Variants in DPP10 observed in about 807,000 individuals in gnomAD.
The protein encoded by DPP10 is inactive dipeptidyl peptidase 10.
A neutral mutation model predicts 120.9 loss-of-function variants in DPP10; 33 were observed. The ratio of observed to expected loss-of-function variants is 0.27; its 90% CI spans 0.21 to 0.37. The LOEUF (loss-of-function observed/expected upper bound fraction) is 0.37. Ranked by LOEUF, DPP10 falls within the 10% of genes least tolerant of loss-of-function variation. DPP10 has a pLI of 1.00. For synonymous variants in DPP10, 337 were observed against 326.1 expected, an observed-to-expected ratio of 1.03 and a Z score of -0.36; for missense variants, 816 against 942.8, an observed-to-expected ratio of 0.87 and a Z score of 1.76.
chr2:114,506,989 G>C (rs1210965930), intron 1 of DPP10, among the ~76,000 whole-genome samples: 1 of 151,472 alleles, frequency 6.6e-6, no homozygotes, highest in African/African-American at 2.4e-5. Flanking sequence ...TCCTGCAATG[G>C]TTTCTGAGTT....
At chr2:115,130,214 C>A (rs1250149502) in intron 1 of DPP10, among the ~76,000 whole-genome samples, 1 of 152,136 alleles carries the variant, frequency 6.6e-6, no homozygotes, top group African/African-American at 2.4e-5. Flanking sequence ...CCATTGTTTG[C>A]ATTTTTGTTC....
At chr2:115,639,627 GT>G (rs60317856) in intron 5 of DPP10, among the ~76,000 whole-genome samples, 63,317 of 149,828 alleles carry the variant, frequency 0.42, 15,091 homozygotes, top group Non-Finnish European at 0.55. Flanking sequence ...TGCATTACAG[GT>G]TTTTTTTTTT....
intron 1 of DPP10, among the ~76,000 whole-genome samples, chr2:115,215,612 A>G (rs1262544502): frequency 3.9e-5 from 6 of 152,212 alleles, no homozygotes; most frequent in Non-Finnish European, 8.8e-5. Flanking sequence ...GAAAAATTAC[A>G]GAAGTGGGCA....
chr2:115,048,570 G>C (rs1042021673), intron 1 of DPP10, among the ~76,000 whole-genome samples: 2 of 151,946 alleles, frequency 1.3e-5, no homozygotes, highest in Non-Finnish European at 2.9e-5. Flanking sequence ...AGCTAAGCAG[G>C]GTAGCATAAA....
chr2:115,385,024 CCACCATGTAAGAAGTGCCTTT>C (rs1296090972), intron 3 of DPP10, among the ~76,000 whole-genome samples: 2 of 152,170 alleles, frequency 1.3e-5, no homozygotes, highest in African/African-American at 4.8e-5. Flanking sequence ...TATCTTGCTG[CCACCATGTAAGAAGTGCCTTT>C]CACCTCCTGC....
chr2:115,394,469 CAA>C (rs34655384), intron 3 of DPP10, among the ~76,000 whole-genome samples: 29 of 91,086 alleles, frequency 3.2e-4, no homozygotes, highest in Admixed American at 4.7e-4. Context: ...TCAACCTCAC[CAA>C]AAAAAAAAAA....
chr2:115,709,196 A>G (rs2092233480), intron 7 of DPP10, among the ~76,000 whole-genome samples: 1 of 152,104 alleles, frequency 6.6e-6, no homozygotes, highest in African/African-American at 2.4e-5. Flanking sequence ...TAGTGGAGGC[A>G]GAGTGTGGGT....
intron 2 of DPP10, among the ~76,000 whole-genome samples, chr2:115,330,193 G>A (rs1395764985): frequency 3.9e-5 from 6 of 152,200 alleles, no homozygotes; most frequent in East Asian, 3.9e-4. Context: ...GGCCAGTGAT[G>A]ATGAGCATTT....
At position 115,727,911 on chromosome 2, in the gene DPP10, T is replaced by C. The variant is rs762464621; in HGVS notation, c.672T>C (p.Asn224=). Residue 224 remains asparagine (N), a synonymous_variant, in exon 8 of 26, where the codon AAT becomes AAC. Transcript: ENST00000410059. ...TSSGKEEIIF[N]GIADWLYEEE... The stretch of plus-strand genomic sequence containing the variant: ...CTGGAAAAGAAGAAATAATTTTTAA[T>C]GGGATTGCTGACTGGTTATATGAAG... The C allele has an allele frequency of 6.2e-7, 1 of 1,607,852 alleles. No individual in the cohort carries two copies. The highest frequency in any genetic ancestry group is 8.5e-7 in the Non-Finnish European group (1 of 1,177,496).
chr2:115,344,550 T>C (rs748637943), intron 3 of DPP10, among the ~76,000 whole-genome samples: 1 of 152,168 alleles, frequency 6.6e-6, no homozygotes, highest in Non-Finnish European at 1.5e-5. Flanking sequence ...CTTGGAAATA[T>C]ATGGCACTTT....
intron 1 of DPP10, among the ~76,000 whole-genome samples, chr2:115,043,578 G>A (rs1276213959): frequency 6.6e-6 from 1 of 152,156 alleles, no homozygotes; most frequent in African/African-American, 2.4e-5. Context: ...ATTACTCAGG[G>A]ATTGACCAGT....
At chr2:115,198,788 A>G (rs774590013) in intron 1 of DPP10, among the ~76,000 whole-genome samples, 1 of 152,156 alleles carries the variant, frequency 6.6e-6, no homozygotes, top group South Asian at 2.1e-4. Flanking sequence ...GCCTATGTCA[A>G]ACTCCAGCAT....
intron 8 of DPP10, among the ~76,000 whole-genome samples, chr2:115,739,022 C>T (rs1054419017): frequency 6.6e-6 from 1 of 152,134 alleles, no homozygotes; most frequent in Admixed American, 6.5e-5. Context: ...TTACTAGACA[C>T]ATAAGGAGAA....
chr2:114,781,017 G>A (rs1311186257), intron 1 of DPP10, among the ~76,000 whole-genome samples: 3 of 152,122 alleles, frequency 2.0e-5, no homozygotes, highest in Non-Finnish European at 4.4e-5. Flanking sequence ...TTCAGAAGAT[G>A]AGAAATGTGT....
chr2:115,430,929 A>C (rs1008578702), intron 3 of DPP10, among the ~76,000 whole-genome samples: 2 of 152,184 alleles, frequency 1.3e-5, no homozygotes, highest in African/African-American at 2.4e-5. Flanking sequence ...TAAATGAATC[A>C]TATTGGAGTA....
At chr2:114,477,908 T>C (rs1446445374) in intron 1 of DPP10, among the ~76,000 whole-genome samples, 1 of 150,826 alleles carries the variant, frequency 6.6e-6, no homozygotes, top group African/African-American at 2.4e-5. Flanking sequence ...TGTATATATG[T>C]ACATATATGT....
intron 1 of DPP10, among the ~76,000 whole-genome samples, chr2:115,171,953 C>T (rs1484440157): frequency 2.6e-5 from 4 of 152,130 alleles, no homozygotes; most frequent in African/African-American, 7.2e-5. Context: ...CTGTGAAATT[C>T]ACTACTCCAG....
intron 1 of DPP10, among the ~76,000 whole-genome samples, chr2:115,135,735 T>G (rs980540941): frequency 1.3e-5 from 2 of 152,158 alleles, no homozygotes; most frequent in Admixed American, 1.3e-4. Context: ...GCCCAGGAGA[T>G]AATTTCTTGT....
intron 1 of DPP10, among the ~76,000 whole-genome samples, chr2:115,277,844 A>G (rs1280773534): frequency 6.6e-6 from 1 of 152,204 alleles, no homozygotes; most frequent in Non-Finnish European, 1.5e-5. Context: ...ACTTTAATAA[A>G]TTATATCCAA....
Sources: gnomAD v4.1 joint callset for allele counts (sites outside exome capture counted in the v4.1 genomes callset) on GRCh38, gnomAD v4.1.1 for gene constraint, MANE v1.5 for transcripts, NCBI Gene and HGNC (gene_info 2026-07-23, HGNC 2026-07-21) for gene names.